The following CDH4 variants were observed in gnomAD, a reference collection of about 807,000 sequenced individuals.
CDH4 encodes the protein cadherin 4.
Under a neutral mutation model 86.0 loss-of-function variants are expected in CDH4, and 33 were observed. That is an observed-to-expected ratio of 0.38 (90% CI 0.29 to 0.51). The LOEUF is 0.51. Ranked by LOEUF, CDH4 falls within the 20% of genes least tolerant of loss-of-function variation. The pLI, the probability that CDH4 is intolerant of heterozygous loss-of-function variation, is 0.86. For synonymous variants in CDH4, 555 were observed against 549.4 expected, an observed-to-expected ratio of 1.01 and a Z score of -0.14; for missense variants, 1,114 against 1,307.4, an observed-to-expected ratio of 0.85 and a Z score of 2.28.
intron 2 of CDH4, among the ~76,000 whole-genome samples, chr20:61,600,293 C>CT (rs1449614005): frequency 6.6e-6 from 1 of 152,238 alleles, no homozygotes; most frequent in Non-Finnish European, 1.5e-5. Flanking sequence ...GCTTTCCCAG[C>CT]TGTGAGCGTG....
intron 2 of CDH4, among the ~76,000 whole-genome samples, chr20:61,603,138 C>T (rs1253641256): frequency 6.6e-6 from 1 of 152,200 alleles, no homozygotes; most frequent in South Asian, 2.1e-4. Context: ...GTTTTTTATT[C>T]TCTGGGCACC....
At chr20:61,331,668 G>GCCCCAGA (rs1568801248) in intron 2 of CDH4, among the ~76,000 whole-genome samples, 1 of 36,206 alleles carries the variant, frequency 2.8e-5, no homozygotes, top group African/African-American at 9.5e-5. Context: ...CCTGCCCCAG[G>GCCCCAGA]CTCACCTCCT....
At chr20:61,533,351 A>G (rs2085970307) in intron 2 of CDH4, among the ~76,000 whole-genome samples, 1 of 152,192 alleles carries the variant, frequency 6.6e-6, no homozygotes, top group Admixed American at 6.5e-5. Context: ...CCGAGCCTGC[A>G]GGGGCCCCTG....
At chr20:61,632,311 G>C (rs944959726) in intron 2 of CDH4, among the ~76,000 whole-genome samples, 1 of 152,120 alleles carries the variant, frequency 6.6e-6, no homozygotes, top group Non-Finnish European at 1.5e-5. Flanking sequence ...TCTGGAGTGT[G>C]GCTCCTGAGC....
intron 2 of CDH4, among the ~76,000 whole-genome samples, chr20:61,271,478 G>C (rs935812672): frequency 2.6e-5 from 4 of 152,188 alleles, no homozygotes; most frequent in Non-Finnish European, 5.9e-5. Flanking sequence ...AGGACAGCGG[G>C]CTGTCTTTGT....
Position 61,936,718 on chromosome 20 carries a change from CTG to C in CDH4, c.2545-15_2545-14del, listed in dbSNP as rs2055194916. The C allele has an allele frequency of 1.3e-6, 2 of 1,515,536 alleles. No homozygotes were observed. The highest frequency in any genetic ancestry group is 1.4e-5 in the African/African-American group (1 of 71,078). The allele number at this position is 1,515,536 out of a possible 1,614,324, so 93.9% of individuals were successfully genotyped here. A position where few individuals can be genotyped will look rare whatever the true frequency, so the allele number is the denominator to read the frequency against. ...AGACAACGCGTCCTGCACCCTAACT[CTG>C]TGTCTGTGACCCCCAGGGACTCCGC... On this transcript the variant is annotated splice_polypyrimidine_tract_variant and intron_variant, in intron 15 of 15. Coordinates refer to ENST00000614565, the MANE Select transcript of CDH4 (RefSeq NM_001794.5).
intron 2 of CDH4, among the ~76,000 whole-genome samples, chr20:61,562,793 A>G (rs185086017): frequency 4.6e-4 from 70 of 152,300 alleles, no homozygotes; most frequent in African/African-American, 1.6e-3. Flanking sequence ...GGCTCTCTTT[A>G]TATGTAAATC....
At chr20:61,363,248 T>C (rs1006857362) in intron 2 of CDH4, among the ~76,000 whole-genome samples, 1 of 152,194 alleles carries the variant, frequency 6.6e-6, no homozygotes, top group Admixed American at 6.5e-5. Flanking sequence ...ATTCATTCAT[T>C]TATCCATTTG....
At chr20:61,327,100 G>A (rs1242283014) in intron 2 of CDH4, among the ~76,000 whole-genome samples, 1 of 152,132 alleles carries the variant, frequency 6.6e-6, no homozygotes, top group African/African-American at 2.4e-5. Flanking sequence ...CTGGGATCCT[G>A]TGAGCATTGT....
At position 61,582,760 on chromosome 20, in the gene CDH4, G is replaced by A. The variant is rs371121047; in HGVS notation, c.170-160803G>A. Among the ~76,000 whole-genome samples the A allele has an allele frequency of 7.2e-5, 11 of 152,070 alleles. No individual in the cohort carries two copies. The highest frequency in any genetic ancestry group is 2.4e-4 in the African/African-American group (10 of 41,410). On this transcript the variant is annotated intron_variant, in intron 2 of 15. Transcript: ENST00000614565. The surrounding 1 kb of genome is among the most constrained non-coding windows in gnomAD (Gnocchi z 4.2). ...TTGGTGCCCAGCACGCCTGCCCTTC[G>A]TTTCTTTAACAGTTTTATTAAGGTG...
chr20:61,468,459 A>G (rs566050995), intron 2 of CDH4, among the ~76,000 whole-genome samples: 1 of 152,084 alleles, frequency 6.6e-6, no homozygotes, highest in Admixed American at 6.5e-5. Context: ...GGGATACATG[A>G]GATATTTTGA....
intron 2 of CDH4, among the ~76,000 whole-genome samples, chr20:61,484,987 G>A (rs2085588221): frequency 6.6e-6 from 1 of 152,202 alleles, no homozygotes; most frequent in Non-Finnish European, 1.5e-5. Context: ...GGATGTACCT[G>A]TGAATTTCAT....
At chr20:61,263,671 A>G (rs567767048) in intron 2 of CDH4, among the ~76,000 whole-genome samples, 1 of 152,326 alleles carries the variant, frequency 6.6e-6, no homozygotes, top group South Asian at 2.1e-4. Context: ...AAATCCCCAC[A>G]TATGTAGCAG....
intron 4 of CDH4, among the ~76,000 whole-genome samples, chr20:61,809,866 G>A (rs2146044461): frequency 6.6e-6 from 1 of 152,328 alleles, no homozygotes; most frequent in African/African-American, 2.4e-5. Flanking sequence ...CACAGCGGGG[G>A]GTGGGGGTCA....
In CDH4 at chr20:61,684,350, A is replaced by G. The variant is rs569702482; in HGVS notation, c.170-59213A>G. 9.8e-5 allele frequency among the ~76,000 whole-genome samples: 15 copies of G among 152,324 alleles called. No individual in the cohort carries two copies. Among genetic ancestry groups the G allele is most frequent in the Admixed American group, 5.9e-4 (9 of 15,308 alleles). On this transcript the variant is annotated intron_variant, in intron 2 of 15. Coordinates refer to ENST00000614565, the MANE Select transcript of CDH4 (RefSeq NM_001794.5). This position sits in a 1 kb window ranked among gnomAD's most constrained non-coding sequence, Gnocchi z 4.5. ...AGGGGGGCCGCCCAGCTAAGGAAGCAGCAAGCGCGGAGCACGTGGCCTCAA... is the reference window on the plus strand; with the variant it reads ...AGGGGGGCCGCCCAGCTAAGGAAGCGGCAAGCGCGGAGCACGTGGCCTCAA...
At chr20:61,383,780 TATATGAAGATATATATGC>T (rs2084934285) in intron 2 of CDH4, among the ~76,000 whole-genome samples, 1 of 77,626 alleles carries the variant, frequency 1.3e-5, no homozygotes, top group Admixed American at 1.7e-4. Flanking sequence ...TATATGCATA[TATATGAAGATATATATGC>T]ATATATATGA....
chr20:61,578,205 G>C (rs2086398779), intron 2 of CDH4, among the ~76,000 whole-genome samples: 1 of 152,224 alleles, frequency 6.6e-6, no homozygotes, highest in African/African-American at 2.4e-5. Context: ...TTGGTGAAGA[G>C]AGAGGTCCTT....
intron 2 of CDH4, among the ~76,000 whole-genome samples, chr20:61,335,081 G>T (rs1422241845): frequency 2.6e-5 from 4 of 152,202 alleles, no homozygotes; most frequent in Admixed American, 2.6e-4. Context: ...CTCTAACGTG[G>T]TTTCGTGTTG....
chr20:61,797,091 C>A (rs867286882), intron 4 of CDH4, among the ~76,000 whole-genome samples: 17 of 151,874 alleles, frequency 1.1e-4, no homozygotes, highest in East Asian at 3.9e-4. Context: ...GAGCCCCCCC[C>A]CCCCCAACAC....
Sources: allele counts gnomAD v4.1 joint callset (sites outside exome capture counted in the v4.1 genomes callset), GRCh38; gene constraint gnomAD v4.1.1; non-coding constraint Gnocchi (gnomAD v3.1); transcripts MANE v1.5; gene names NCBI Gene and HGNC (gene_info 2026-07-23, HGNC 2026-07-21).